Variants in PLAAT1 observed in about 807,000 individuals in gnomAD.
PLAAT1 encodes phospholipase A and acyltransferase 1.
A neutral mutation model predicts 16.4 loss-of-function variants in PLAAT1; 13 were observed. The ratio of observed to expected loss-of-function variants is 0.79; its 90% CI spans 0.52 to 1.26. The LOEUF is 1.26. Ranked by LOEUF, PLAAT1 falls within the 50% of genes most tolerant of loss-of-function variation. The pLI is 0.00. For missense variants in PLAAT1, 218 were observed against 207.8 expected, an observed-to-expected ratio of 1.05 and a Z score of -0.30; for synonymous variants, 73 against 78.4, an observed-to-expected ratio of 0.93 and a Z score of 0.36.
chr3:193,272,903 T>C (rs1330553595), downstream of PLAAT1, among the ~76,000 whole-genome samples: 4 of 152,206 alleles, frequency 2.6e-5, no homozygotes, highest in Admixed American at 2.0e-4. Flanking sequence ...TTCCTATAGG[T>C]GATTATTTGA....
At chr3:193,247,892 T>C (rs979480818) in intron 1 of PLAAT1, among the ~76,000 whole-genome samples, 23 of 152,198 alleles carry the variant, frequency 1.5e-4, no homozygotes, top group Admixed American at 1.4e-3. Context: ...TTGAGAAAAA[T>C]GTATATTCAA....
In PLAAT1 at chr3:193,262,951, C is replaced by A; in HGVS notation, c.140-19C>A. 6.2e-7 allele frequency: 1 copy of A among 1,613,164 alleles called. No individual in the cohort carries two copies. The highest frequency in any genetic ancestry group is 1.1e-5 in the South Asian group (1 of 90,936). The stretch of plus-strand genomic sequence containing the variant: ...GGACTGGGTCACTATACCTTACTAA[C>A]CAGAATTCTACTTTATAGATGGCAT... On this transcript the variant is annotated intron_variant, in intron 2 of 3. Transcript: ENST00000264735.
At chr3:193,262,537 A>G (rs1390743201) in intron 2 of PLAAT1, among the ~76,000 whole-genome samples, 2 of 152,078 alleles carry the variant, frequency 1.3e-5, no homozygotes, top group African/African-American at 4.8e-5. Flanking sequence ...GCCTACTAAT[A>G]ACAGTGTACC....
intron 3 of PLAAT1, among the ~76,000 whole-genome samples, chr3:193,270,104 A>T (rs1322579203): frequency 1.3e-5 from 2 of 149,792 alleles, no homozygotes; most frequent in Non-Finnish European, 3.0e-5. Context: ...ACACACACAC[A>T]CTCTTACACG....
At chr3:193,276,545 T>C (rs977836916) in intron 2 of PLAAT1, among the ~76,000 whole-genome samples, 1 of 152,204 alleles carries the variant, frequency 6.6e-6, no homozygotes, top group Non-Finnish European at 1.5e-5. Context: ...GCATAAGATA[T>C]CAAGAACATT....
At chr3:193,277,391 CTTAT>C (rs373491082) in intron 2 of PLAAT1, among the ~76,000 whole-genome samples, 20 of 152,234 alleles carry the variant, frequency 1.3e-4, no homozygotes, top group African/African-American at 4.8e-4. Flanking sequence ...ATTAAATATG[CTTAT>C]TTAAAGTGTG....
At chr3:193,253,708 A>G (rs1716276353) in intron 1 of PLAAT1, among the ~76,000 whole-genome samples, 1 of 152,174 alleles carries the variant, frequency 6.6e-6, no homozygotes, top group Non-Finnish European at 1.5e-5. Context: ...AAGAGCTCAC[A>G]TCAGTAACAC....
intron 2 of PLAAT1, among the ~76,000 whole-genome samples, chr3:193,261,870 G>T (rs1290470090): frequency 6.6e-6 from 1 of 152,126 alleles, no homozygotes; most frequent in Non-Finnish European, 1.5e-5. Flanking sequence ...GTCTAACTGG[G>T]ATATATATGC....
chr3:193,241,485 C>G lies in PLAAT1; in HGVS notation c.-49C>G. On this transcript the variant is annotated 5_prime_UTR_variant, in exon 1 of 4. Coordinates refer to ENST00000264735, the MANE Select transcript of PLAAT1 (RefSeq NM_020386.5). ...CGAGGCCAAGAGAGACCCCAGGACA[C>G]ACACAGCTGCCTCCCGGTGCGAGAA... 8.1e-7 allele frequency: 1 copy of G among 1,232,006 alleles called. No individual in the cohort carries two copies. Among genetic ancestry groups the G allele is most frequent in the Non-Finnish European group, 1.0e-6 (1 of 988,206 alleles). 76.3% of individuals were successfully genotyped at this position (1,232,006 alleles called of 1,614,324 possible).
At chr3:193,257,612 G>A (rs991007242) in intron 2 of PLAAT1, among the ~76,000 whole-genome samples, 4 of 152,084 alleles carry the variant, frequency 2.6e-5, no homozygotes, top group African/African-American at 4.8e-5. Context: ...CCTCAATATC[G>A]ATGAGTGATG....
At chr3:193,240,944 C>A (rs576622285), upstream of PLAAT1, among the ~76,000 whole-genome samples, 1 of 152,096 alleles carries the variant, frequency 6.6e-6, no homozygotes, top group South Asian at 2.1e-4. Context: ...AACCGCGGCG[C>A]CTAGCACAGC....
chr3:193,279,158 A>T (rs558914960), downstream of PLAAT1, among the ~76,000 whole-genome samples: 105 of 152,312 alleles, frequency 6.9e-4, no homozygotes, highest in South Asian at 2.9e-3. Context: ...TACAGGATAA[A>T]TGTACCCAAT....
chr3:193,264,760 G>C (rs560758455), intron 3 of PLAAT1, among the ~76,000 whole-genome samples: 13 of 152,148 alleles, frequency 8.5e-5, no homozygotes, highest in Non-Finnish European at 1.8e-4. Context: ...TGATCCACCC[G>C]CCTTGGCCTC....
At chr3:193,252,602 G>A (rs1716231497) in intron 1 of PLAAT1, among the ~76,000 whole-genome samples, 1 of 151,932 alleles carries the variant, frequency 6.6e-6, no homozygotes, top group African/African-American at 2.4e-5. Context: ...TCATACTTTT[G>A]GTATCAAGTC....
chr3:193,241,468 A>G lies in PLAAT1; in HGVS notation c.-66A>G, dbSNP rs1303298521. 22 of 1,231,874 alleles carry G rather than the reference A, an allele frequency of 1.8e-5. No homozygotes were observed. Among genetic ancestry groups the G allele is most frequent in the Middle Eastern group, 3.1e-4 (1 of 3,230 alleles). The allele number at this position is 1,231,874 out of a possible 1,614,324, so 76.3% of individuals were successfully genotyped here. A position where few individuals can be genotyped will look rare whatever the true frequency, so the allele number is the denominator to read the frequency against. ...GGCAAGGTCGGCAGCTGCGAGGCCA[A>G]GAGAGACCCCAGGACACACACAGCT... On this transcript the variant is annotated 5_prime_UTR_variant, in exon 1 of 4. Coordinates refer to ENST00000264735, the MANE Select transcript of PLAAT1 (RefSeq NM_020386.5).
chr3:193,280,353 C>G (rs1248550984), downstream of PLAAT1, among the ~76,000 whole-genome samples: 1 of 152,066 alleles, frequency 6.6e-6, no homozygotes, highest in South Asian at 2.1e-4. Context: ...CCCTGGCCTC[C>G]AATTTTTCTT....
intron 1 of PLAAT1, among the ~76,000 whole-genome samples, chr3:193,252,690 A>C (rs1253975249): frequency 1.3e-5 from 2 of 152,210 alleles, no homozygotes; most frequent in Non-Finnish European, 2.9e-5. Flanking sequence ...TTTACATATA[A>C]GTCTGTTATC....
chr3:193,255,912 A>C (rs1431557293), intron 2 of PLAAT1, 123 bp downstream of exon 2: 6 of 896,580 alleles, frequency 6.7e-6, no homozygotes, highest in Non-Finnish European at 9.4e-6. Flanking sequence ...AGATAAATCC[A>C]ACTAATCTAG....
At chr3:193,251,214 C>T (rs1158055594) in intron 1 of PLAAT1, among the ~76,000 whole-genome samples, 2 of 152,144 alleles carry the variant, frequency 1.3e-5, no homozygotes, top group African/African-American at 4.8e-5. Flanking sequence ...GCAAACCAGG[C>T]AAGAAAGCAT....
Sources: allele counts gnomAD v4.1 joint callset (sites outside exome capture counted in the v4.1 genomes callset), GRCh38; gene constraint gnomAD v4.1.1; transcripts MANE v1.5; gene names NCBI Gene and HGNC (gene_info 2026-07-23, HGNC 2026-07-21).